The following SHANK2 variants were observed in gnomAD, a reference collection of about 807,000 sequenced individuals.
SHANK2 encodes SH3 and multiple ankyrin repeat domains 2.
Under a neutral mutation model 133.7 loss-of-function variants are expected in SHANK2, and 43 were observed. The ratio of observed to expected loss-of-function variants is 0.32; its 90% CI spans 0.25 to 0.41. The LOEUF (loss-of-function observed/expected upper bound fraction) is 0.41, where lower values mean the gene tolerates loss of function less well. Ranked by LOEUF, SHANK2 falls within the 10% of genes least tolerant of loss-of-function variation. The pLI, the probability that SHANK2 is intolerant of heterozygous loss-of-function variation, is 1.00. For missense variants in SHANK2, 1,994 were observed against 2,235.8 expected, an observed-to-expected ratio of 0.89 and a Z score of 2.18; for synonymous variants, 1,017 against 952.8, an observed-to-expected ratio of 1.07 and a Z score of -1.24.
At chr11:71,226,668 T>C (rs1220905242) in intron 1 of SHANK2, 1 of 151,934 alleles carries the variant, frequency 6.6e-6, no homozygotes, top group Non-Finnish European at 1.5e-5. Context: ...AACAAAAATA[T>C]CCTGTAAGAA....
intron 12 of SHANK2, among the ~76,000 whole-genome samples, chr11:70,817,060 G>A (rs192729251): frequency 9.2e-5 from 14 of 152,314 alleles, no homozygotes; most frequent in Admixed American, 9.1e-4. Context: ...ATGGCCCTAT[G>A]CAGGGACAGA....
intron 3 of SHANK2, among the ~76,000 whole-genome samples, chr11:71,141,525 C>G (rs539381206): frequency 6.6e-6 from 1 of 152,104 alleles, no homozygotes; most frequent in East Asian, 1.9e-4. Flanking sequence ...CAAACAACAA[C>G]AAGAAGATGT....
intron 17 of SHANK2, among the ~76,000 whole-genome samples, chr11:70,600,418 C>CAAAAAAAAAAAAAAAAAAAAAAAAAAAA (rs56103044): frequency 7.3e-5 from 7 of 95,458 alleles, no homozygotes; most frequent in African/African-American, 1.1e-4. Flanking sequence ...GACTCTGTCT[C>CAAAAAAAAAAAAAAAAAAAAAAAAAAAA]AAAAAAAAAA....
At chr11:71,159,525 G>A (rs1952968016) in intron 2 of SHANK2, among the ~76,000 whole-genome samples, 1 of 152,100 alleles carries the variant, frequency 6.6e-6, no homozygotes, top group African/African-American at 2.4e-5. Flanking sequence ...AATATCTTTG[G>A]GGGCCATTAA....
At chr11:70,614,351 T>C (rs781817426) in intron 17 of SHANK2, among the ~76,000 whole-genome samples, 1 of 151,330 alleles carries the variant, frequency 6.6e-6, no homozygotes, top group Non-Finnish European at 1.5e-5. Flanking sequence ...CCCTTTGTTA[T>C]TGGGGCTGGA....
intron 17 of SHANK2, among the ~76,000 whole-genome samples, chr11:70,585,798 C>T (rs1334663644): frequency 6.6e-6 from 1 of 151,250 alleles, no homozygotes; most frequent in African/African-American, 2.4e-5. Context: ...ATCCACTTAA[C>T]TACCCAACCA....
chr11:70,474,051 G>A (rs2058631120), intron 25 of SHANK2: 1 of 185,182 alleles, frequency 5.4e-6, no homozygotes, highest in African/African-American at 2.3e-5. Flanking sequence ...TGGAACCCCT[G>A]TAGCTACGCA....
chr11:70,527,965 G>A (rs1554972446), intron 17 of SHANK2, among the ~76,000 whole-genome samples: 1 of 152,254 alleles, frequency 6.6e-6, no homozygotes, highest in Non-Finnish European at 1.5e-5. Context: ...TGGTGAGAGG[G>A]AGGGGCCTGA....
chr11:71,225,498 TC>T (rs1178592493), intron 1 of SHANK2, among the ~76,000 whole-genome samples: 1 of 152,120 alleles, frequency 6.6e-6, no homozygotes, highest in African/African-American at 2.4e-5. Context: ...CTTTCCACCT[TC>T]CCTTGTGGAA....
At position 70,492,425 on chromosome 11, in the gene SHANK2, G is replaced by T. The variant is rs782345394; in HGVS notation, c.2349C>A (p.Arg783=). The T allele has an allele frequency of 1.2e-6, 2 of 1,613,980 alleles. No homozygotes were observed. Among genetic ancestry groups the T allele is most frequent in the Non-Finnish European group, 1.7e-6 (2 of 1,180,034 alleles). Residue 783 remains arginine, a synonymous_variant, in exon 22 of 26, where the codon CGC becomes CGA. Transcript: ENST00000601538. Reference sequence around the variant, plus strand: ...GTTCCACAGCCATGTTCTCAGCAGCGCGGGAGGGCTTGGAGGCCGGGACTA... The same window carrying T: ...GTTCCACAGCCATGTTCTCAGCAGCTCGGGAGGGCTTGGAGGCCGGGACTA... The part of the protein sequence containing the change: ...EEIVPASKPS[R]AAENMAVEPR...
intron 14 of SHANK2, among the ~76,000 whole-genome samples, chr11:70,761,561 C>T (rs558894380): frequency 3.9e-5 from 6 of 152,330 alleles, no homozygotes; most frequent in Non-Finnish European, 8.8e-5. Context: ...CTGGCTCATC[C>T]CGGGTGCACC....
intron 2 of SHANK2, among the ~76,000 whole-genome samples, chr11:71,216,099 C>T (rs113628343): frequency 3.3e-5 from 5 of 152,290 alleles, no homozygotes; most frequent in East Asian, 3.9e-4. Flanking sequence ...CGACTCCACA[C>T]GGCCCAGCAG....
intron 17 of SHANK2, among the ~76,000 whole-genome samples, chr11:70,504,906 G>A (rs1006306734): frequency 8.5e-5 from 13 of 152,168 alleles, no homozygotes; most frequent in East Asian, 5.8e-4. Context: ...GAGCACACCC[G>A]GGTAGTGGCT....
intron 8 of SHANK2, among the ~76,000 whole-genome samples, chr11:71,091,889 T>TA (rs1410127426): frequency 6.6e-6 from 1 of 152,110 alleles, no homozygotes; most frequent in African/African-American, 2.4e-5. Context: ...CCTGATCAGG[T>TA]AAAGACTTTT....
At chr11:70,612,698 C>T (rs1165335611) in intron 17 of SHANK2, among the ~76,000 whole-genome samples, 4 of 152,240 alleles carry the variant, frequency 2.6e-5, no homozygotes, top group African/African-American at 9.6e-5. Flanking sequence ...CGTGCAATTC[C>T]CGCGCTCTAT....
chr11:70,862,104 C>T (rs1949268630), intron 11 of SHANK2, among the ~76,000 whole-genome samples: 1 of 152,186 alleles, frequency 6.6e-6, no homozygotes, highest in South Asian at 2.1e-4. Flanking sequence ...CACCTCTCCC[C>T]ACGATGCGGC....
intron 14 of SHANK2, among the ~76,000 whole-genome samples, chr11:70,793,084 C>T (rs948778964): frequency 6.6e-6 from 1 of 152,084 alleles, no homozygotes; most frequent in Non-Finnish European, 1.5e-5. Context: ...AAAGCACTAA[C>T]GTGGAAGAAA....
At chr11:70,791,488 G>A (rs1947785219) in intron 14 of SHANK2, among the ~76,000 whole-genome samples, 1 of 152,208 alleles carries the variant, frequency 6.6e-6, no homozygotes, top group Non-Finnish European at 1.5e-5. Flanking sequence ...ATCTGGGCAT[G>A]CCTCTGTCTC....
chr11:70,512,299 T>C (rs529454833), intron 17 of SHANK2, among the ~76,000 whole-genome samples: 67 of 152,314 alleles, frequency 4.4e-4, no homozygotes, highest in African/African-American at 1.4e-3. Flanking sequence ...CAAGACACCA[T>C]CAGTTGAGAA....
Sources: allele counts gnomAD v4.1 joint callset (sites outside exome capture counted in the v4.1 genomes callset), GRCh38; gene constraint gnomAD v4.1.1; transcripts MANE v1.5; gene names NCBI Gene and HGNC (gene_info 2026-07-23, HGNC 2026-07-21).